The following HOOK1 variants were observed in gnomAD, a reference collection of about 807,000 sequenced individuals.
The protein encoded by HOOK1 is protein Hook homolog 1.
A neutral mutation model predicts 112.8 loss-of-function variants in HOOK1; 60 were observed. That is an observed-to-expected ratio of 0.53 (90% CI 0.43 to 0.66). The LOEUF is 0.66. HOOK1 is among the 30% of genes least tolerant of loss of function. The pLI, the probability that HOOK1 is intolerant of heterozygous loss-of-function variation, is 0.00. For synonymous variants in HOOK1, 294 were observed against 283.8 expected, an observed-to-expected ratio of 1.04 and a Z score of -0.36; for missense variants, 770 against 856.0, an observed-to-expected ratio of 0.90 and a Z score of 1.25.
At chr1:59,872,327 A>ATT (rs1340702567) in intron 21 of HOOK1, among the ~76,000 whole-genome samples, 1 of 152,224 alleles carries the variant, frequency 6.6e-6, no homozygotes, top group East Asian at 1.9e-4. Flanking sequence ...TAAAACACAA[A>ATT]TTGCTAGACG....
chr1:59,826,735 A>G (rs537785009), intron 2 of HOOK1, among the ~76,000 whole-genome samples: 13 of 152,276 alleles, frequency 8.5e-5, no homozygotes, highest in South Asian at 6.2e-4. Flanking sequence ...CTTTGTCTCA[A>G]TATACACACA....
At chr1:59,862,463 A>G (rs1019108892) in intron 15 of HOOK1, among the ~76,000 whole-genome samples, 1 of 152,170 alleles carries the variant, frequency 6.6e-6, no homozygotes, top group African/African-American at 2.4e-5. Context: ...TAAAAATACA[A>G]CTGTAGAAAA....
At chr1:59,844,669 A>C (rs942585992) in intron 9 of HOOK1, among the ~76,000 whole-genome samples, 7 of 152,024 alleles carry the variant, frequency 4.6e-5, no homozygotes, top group African/African-American at 1.7e-4. Context: ...TATAATTGAT[A>C]TCTTAACTAT....
intron 9 of HOOK1, among the ~76,000 whole-genome samples, chr1:59,844,137 T>C (rs1039524788): frequency 2.6e-5 from 4 of 152,008 alleles, no homozygotes; most frequent in African/African-American, 9.7e-5. Context: ...TTGATATAAC[T>C]TCAAACTCCC....
At chr1:59,857,550 C>G (rs1348910781) in intron 12 of HOOK1, among the ~76,000 whole-genome samples, 1 of 152,164 alleles carries the variant, frequency 6.6e-6, no homozygotes, top group Non-Finnish European at 1.5e-5. Flanking sequence ...TTTGTGCCTG[C>G]TCCTGCTAGA....
intron 14 of HOOK1, among the ~76,000 whole-genome samples, chr1:59,859,976 AC>A (rs2098412699): frequency 6.6e-6 from 1 of 152,062 alleles, no homozygotes; most frequent in Admixed American, 6.6e-5. Flanking sequence ...TTTTAAAGGC[AC>A]AGTCTTGCAG....
At chr1:59,849,713 T>G (rs2098406117) in intron 12 of HOOK1, among the ~76,000 whole-genome samples, 1 of 151,650 alleles carries the variant, frequency 6.6e-6, no homozygotes, top group Non-Finnish European at 1.5e-5. Flanking sequence ...TTCCTAGTCT[T>G]TCTGCAATAT....
chr1:59,850,714 A>G (rs1331174148), intron 12 of HOOK1, among the ~76,000 whole-genome samples: 1 of 151,500 alleles, frequency 6.6e-6, no homozygotes, highest in Non-Finnish European at 1.5e-5. Context: ...GTGAAAATCC[A>G]TAGGGTGTAT....
intron 12 of HOOK1, among the ~76,000 whole-genome samples, chr1:59,851,889 C>T (rs931269196): frequency 6.6e-6 from 1 of 151,458 alleles, no homozygotes. Context: ...AAAAGAGTAT[C>T]GGATTTTGTC....
intron 2 of HOOK1, among the ~76,000 whole-genome samples, chr1:59,827,448 A>G (rs976495274): frequency 5.3e-5 from 8 of 152,128 alleles, no homozygotes; most frequent in Admixed American, 2.0e-4. Context: ...AGTTTTTATT[A>G]CTTAATCTGA....
chr1:59,841,005 A>G (rs1385409581), intron 8 of HOOK1, among the ~76,000 whole-genome samples: 1 of 152,126 alleles, frequency 6.6e-6, no homozygotes, highest in African/African-American at 2.4e-5. Flanking sequence ...CAGGCACATT[A>G]CTTAATTATC....
At chr1:59,845,070 A>G (rs868264847) in intron 9 of HOOK1, among the ~76,000 whole-genome samples, 28 of 151,912 alleles carry the variant, frequency 1.8e-4, no homozygotes, top group African/African-American at 6.5e-4. Flanking sequence ...GAACAAATCT[A>G]CCACTCACAA....
intron 7 of HOOK1, among the ~76,000 whole-genome samples, chr1:59,837,348 G>A (rs1184662586): frequency 6.6e-6 from 1 of 152,056 alleles, no homozygotes; most frequent in East Asian, 1.9e-4. Context: ...TGTTTTACAG[G>A]GGGAAAAGAC....
intron 14 of HOOK1, among the ~76,000 whole-genome samples, chr1:59,859,918 G>A (rs2098412671): frequency 2.0e-5 from 3 of 151,940 alleles, no homozygotes. Context: ...ACAATTTAAT[G>A]ATTTATAGCA....
chr1:59,815,734 A>G (rs1435616978), intron 1 of HOOK1, among the ~76,000 whole-genome samples: 10 of 152,056 alleles, frequency 6.6e-5, no homozygotes. Context: ...AAGCCGCTTC[A>G]AAGAGATGTT....
chr1:59,875,693 C>T lies in HOOK1; in HGVS notation c.*2728C>T, dbSNP rs553280300. ...TGATCTTCAATGTTAAGCACTTGCT[C>T]TAAGATTAAAATTCCTTTTCTTTTT... On this transcript the variant is annotated 3_prime_UTR_variant, in exon 22 of 22. Coordinates refer to ENST00000371208, the MANE Select transcript of HOOK1 (RefSeq NM_015888.6). The T allele has an allele frequency of 6.6e-6, 1 of 152,300 alleles. No individual in the cohort carries two copies. The highest frequency in any genetic ancestry group is 2.4e-5 in the African/African-American group (1 of 41,566). 9.4% of individuals were successfully genotyped at this position (152,300 alleles called of 1,614,324 possible).
chr1:59,828,973 T>G (rs1209885583), intron 3 of HOOK1, 121 bp downstream of exon 3: 33 of 710,686 alleles, frequency 4.6e-5, no homozygotes, highest in Non-Finnish European at 7.0e-5. Context: ...TAGTTTGAGT[T>G]TTAACACATG....
chr1:59,826,098 C>T (rs1452338712), intron 2 of HOOK1, among the ~76,000 whole-genome samples: 1 of 152,054 alleles, frequency 6.6e-6, no homozygotes, highest in Non-Finnish European at 1.5e-5. Flanking sequence ...TTTCTTACTA[C>T]CTGAATTCAG....
At chr1:59,815,252 C>A in intron 1 of HOOK1, 72 bp downstream of exon 1, 1 of 1,428,358 alleles carries the variant, frequency 7.0e-7, no homozygotes, top group Non-Finnish European at 9.5e-7. Context: ...CCCGGTTCTC[C>A]CAGGTGAGCT....
Sources: allele counts gnomAD v4.1 joint callset (sites outside exome capture counted in the v4.1 genomes callset), GRCh38; gene constraint gnomAD v4.1.1; transcripts MANE v1.5; gene names NCBI Gene and HGNC (gene_info 2026-07-23, HGNC 2026-07-21).